The following OR5H14 variants were observed in gnomAD, a reference collection of about 807,000 sequenced individuals.
The protein encoded by OR5H14 is olfactory receptor family 5 subfamily H member 14, also known as olfactory receptor 5H14.
For missense variants in OR5H14, 392 were observed against 363.9 expected (o/e 1.08, Z -0.63); for synonymous variants, 155 against 130.6 (o/e 1.19, Z -1.28).
rs79402407 is a variant in OR5H14 at position 98,155,078 on chromosome 3, T to C, written c.*4760T>C. The C allele has an allele frequency of 0.15, 20,334 of 135,350 alleles. 70 individuals are homozygous for C. The highest frequency in any genetic ancestry group is 0.34 in the East Asian group (1,429 of 4,242). 8.4% of individuals were successfully genotyped at this position (135,350 alleles called of 1,614,324 possible). On this transcript the variant is annotated 3_prime_UTR_variant, in exon 2 of 2. Transcript: ENST00000641380. ...ATTCTGATAAATCAGCTGGCAACAT[T>C]CAGAATGGTAAAAGGACTCCTCTAG...
Position 98,155,355 on chromosome 3 carries a change from T to C in OR5H14, c.*5037T>C, listed in dbSNP as rs1182287238. ...ATTCCTCTGTCTTGGTAATGGGCTC[T>C]ATCTAGGTGTCAGGCAAAAAGATCT... On this transcript the variant is annotated 3_prime_UTR_variant, in exon 2 of 2. Transcript: ENST00000641380. The C allele has an allele frequency of 6.6e-6, 1 of 152,250 alleles. No homozygotes were observed. Among genetic ancestry groups the C allele is most frequent in the African/African-American group, 2.4e-5 (1 of 41,470 alleles). The allele number at this position is 152,250 out of a possible 1,614,324, so 9.4% of individuals were successfully genotyped here. A position where few individuals can be genotyped will look rare whatever the true frequency, so the allele number is the denominator to read the frequency against.
chr3:98,154,288 G>C lies in OR5H14; in HGVS notation c.*3970G>C, dbSNP rs536016489. ...TTGTTCCTTTTCTGGAAGATTGAGG[G>C]GTTGGATCTTTCCTGTCTACCTTAG... On this transcript the variant is annotated 3_prime_UTR_variant, in exon 2 of 2. Coordinates refer to ENST00000641380, the MANE Select transcript of OR5H14 (RefSeq NM_001005514.2). The C allele has an allele frequency of 6.6e-6, 1 of 152,236 alleles. No individual in the cohort carries two copies. The highest frequency in any genetic ancestry group is 2.1e-4 in the South Asian group (1 of 4,822). The allele number at this position is 152,236 out of a possible 1,614,324, so 9.4% of individuals were successfully genotyped here.
intron 1 of OR5H14, among the ~76,000 whole-genome samples, chr3:98,148,485 T>G (rs910406934): frequency 1.3e-5 from 2 of 152,048 alleles, no homozygotes; most frequent in African/African-American, 4.8e-5. Flanking sequence ...GACCACATGA[T>G]GCTCACTCCA....
chr3:98,149,339 T>A (rs767154100), intron 1 of OR5H14, 29 bp from the exon 2 acceptor site: 4 of 1,599,298 alleles, frequency 2.5e-6, no homozygotes, highest in Non-Finnish European at 3.4e-6. Flanking sequence ...TTGCAGATGT[T>A]CCCTTTCATT....
chr3:98,149,829 A>G lies in OR5H14; in HGVS notation c.444A>G (p.Ser148=). Reference sequence around the variant, plus strand: ...TGTGCATCCGGCTATTAATCTTGTCATATGTAGGTGGTCTTCTTCATGCTT... The same window carrying G: ...TGTGCATCCGGCTATTAATCTTGTCGTATGTAGGTGGTCTTCTTCATGCTT... The part of the protein sequence containing the change: ...NGLCIRLLIL[S]YVGGLLHALI... The change falls in exon 2 of 2, where the codon TCA becomes TCG. Residue 148 remains serine (S), a synonymous_variant. Transcript: ENST00000641380. 6.2e-7 allele frequency: 1 copy of G among 1,612,808 alleles called. No individual in the cohort carries two copies. The highest frequency in any genetic ancestry group is 8.5e-7 in the Non-Finnish European group (1 of 1,179,710).
At position 98,151,630 on chromosome 3, in the gene OR5H14, T is replaced by C. The variant is rs1657358194; in HGVS notation, c.*1312T>C. ...TCATTGCTACCTGATTATACGTACA[T>C]GTGTTTTAGGTGTCAATATCTATGT... On this transcript the variant is annotated 3_prime_UTR_variant, in exon 2 of 2. Coordinates refer to ENST00000641380, the MANE Select transcript of OR5H14 (RefSeq NM_001005514.2). The C allele has an allele frequency of 6.6e-6, 1 of 152,154 alleles. No individual in the cohort carries two copies. Among genetic ancestry groups the C allele is most frequent in the African/African-American group, 2.4e-5 (1 of 41,436 alleles). The allele number at this position is 152,154 out of a possible 1,614,324, so 9.4% of individuals were successfully genotyped here.
rs974842753 is a variant in OR5H14, at chr3:98,154,510, G to A, written c.*4192G>A. ...GCCCAGATTTTGACCAAGGTGTAAA[G>A]GTGGTTAAAGAAGGCAGGCCTGGTT... On this transcript the variant is annotated 3_prime_UTR_variant, in exon 2 of 2. Transcript: ENST00000641380. 2 of 152,236 alleles carry A rather than the reference G, an allele frequency of 1.3e-5. No homozygotes were observed. The highest frequency in any genetic ancestry group is 4.8e-5 in the African/African-American group (2 of 41,470). The allele number at this position is 152,236 out of a possible 1,614,324, so 9.4% of individuals were successfully genotyped here.
In OR5H14 at chr3:98,149,217, TC is replaced by T. The variant is rs1371484524; in HGVS notation, c.-18-150del. 1.2e-5 allele frequency: 10 copies of T among 851,564 alleles called. No homozygotes were observed. In the African/African-American group the frequency reaches 1.6e-4, roughly 13 times the overall value. The allele number at this position is 851,564 out of a possible 1,614,324, so 52.8% of individuals were successfully genotyped here. ...ACTAAAATATGACATTTTTTTCATT[TC>T]TTTAACCCCTTATAGGATTTCTTAT... On this transcript the variant is annotated intron_variant, in intron 1 of 1. Transcript: ENST00000641380.
Position 98,153,707 on chromosome 3 carries a change from T to C in OR5H14, c.*3389T>C, listed in dbSNP as rs1338257112. 2 of 152,218 alleles carry C rather than the reference T, an allele frequency of 1.3e-5. No individual in the cohort carries two copies. The highest frequency in any genetic ancestry group is 2.9e-5 in the Non-Finnish European group (2 of 68,034). 9.4% of individuals were successfully genotyped at this position (152,218 alleles called of 1,614,324 possible). A position where few individuals can be genotyped will look rare whatever the true frequency, so the allele number is the denominator to read the frequency against. On this transcript the variant is annotated 3_prime_UTR_variant, in exon 2 of 2. Transcript: ENST00000641380. ...AGCATCTTTTGATGATGGGACAAAATGGCAGTTGCAATCTGTTGATTTTTC... is the reference window on the plus strand; with the variant it reads ...AGCATCTTTTGATGATGGGACAAAACGGCAGTTGCAATCTGTTGATTTTTC...
chr3:98,154,916 C>T lies in OR5H14; in HGVS notation c.*4598C>T, dbSNP rs1397693354. ...CACCTTTGTAAAACTCACAGATTATCACAAGATTAGAAATTATGGCTCCTG... is the reference window on the plus strand; with the variant it reads ...CACCTTTGTAAAACTCACAGATTATTACAAGATTAGAAATTATGGCTCCTG... On this transcript the variant is annotated 3_prime_UTR_variant, in exon 2 of 2. Coordinates refer to ENST00000641380, the MANE Select transcript of OR5H14 (RefSeq NM_001005514.2). 1.3e-5 allele frequency: 2 copies of T among 152,320 alleles called. No homozygotes were observed. The highest frequency in any genetic ancestry group is 4.8e-5 in the African/African-American group (2 of 41,590). The allele number at this position is 152,320 out of a possible 1,614,324, so 9.4% of individuals were successfully genotyped here. A position where few individuals can be genotyped will look rare whatever the true frequency, so the allele number is the denominator to read the frequency against.
At chr3:98,147,961 A>C in intron 1 of OR5H14, 1 of 151,946 alleles carries the variant, frequency 6.6e-6, no homozygotes, top group East Asian at 1.9e-4. Context: ...CCTACAGATA[A>C]ACTCCTGTAT....
rs970361652 is a variant in OR5H14 at position 98,151,591 on chromosome 3, C to G, written c.*1273C>G. 6.6e-6 allele frequency: 1 copy of G among 152,044 alleles called. No individual in the cohort carries two copies. Among genetic ancestry groups the G allele is most frequent in the African/African-American group, 2.4e-5 (1 of 41,414 alleles). The allele number at this position is 152,044 out of a possible 1,614,324, so 9.4% of individuals were successfully genotyped here. A position where few individuals can be genotyped will look rare whatever the true frequency, so the allele number is the denominator to read the frequency against. The stretch of plus-strand genomic sequence containing the variant: ...TTGTTTTTTCAACTCTTTCAATTTT[C>G]TTTTGTTGGATCATCATTGCTACCT... On this transcript the variant is annotated 3_prime_UTR_variant, in exon 2 of 2. Transcript: ENST00000641380.
Position 98,149,545 on chromosome 3 carries a change from C to G in OR5H14, c.160C>G (p.His54Asp). ...GLIAVIWKDP[H>D]LHIPMYLLLG... Reference sequence around the variant, plus strand: ...GATTGCTGTCATCTGGAAAGACCCTCATCTTCATATCCCAATGTACTTACT... The same window carrying G: ...GATTGCTGTCATCTGGAAAGACCCTGATCTTCATATCCCAATGTACTTACT... The change falls in exon 2 of 2, where the codon CAT becomes GAT. Residue 54 changes from histidine (H) to aspartate (D), a missense_variant. Physicochemically the swap from His to Asp is moderately conservative, Grantham distance 81 (BLOSUM62 -1). Transcript: ENST00000641380. 1 of 1,613,538 alleles carries G rather than the reference C, an allele frequency of 6.2e-7. No individual in the cohort carries two copies. Among genetic ancestry groups the G allele is most frequent in the South Asian group, 1.1e-5 (1 of 91,064 alleles).
At chr3:98,148,862 A>G (rs1313326610) in intron 1 of OR5H14, among the ~76,000 whole-genome samples, 1 of 152,136 alleles carries the variant, frequency 6.6e-6, no homozygotes, top group Admixed American at 6.6e-5. Flanking sequence ...GGATTGCTGG[A>G]ACCTTAGTAA....
In OR5H14 at chr3:98,155,120, C is replaced by G. The variant is rs77007033; in HGVS notation, c.*4802C>G. 5 of 96,478 alleles carry G rather than the reference C, an allele frequency of 5.2e-5. No individual in the cohort carries two copies. The highest frequency in any genetic ancestry group is 1.0e-4 in the Admixed American group (1 of 9,614). 6.0% of individuals were successfully genotyped at this position (96,478 alleles called of 1,614,324 possible). On this transcript the variant is annotated 3_prime_UTR_variant, in exon 2 of 2. Coordinates refer to ENST00000641380, the MANE Select transcript of OR5H14 (RefSeq NM_001005514.2). ...CTCCTCTAGTTTTGTGACCACCCCC[C>G]TGCTGCAGGATCCACAAGAAGACAG... is the stretch of plus-strand genomic sequence containing the variant.
Position 98,153,853 on chromosome 3 carries a change from T to C in OR5H14, c.*3535T>C, listed in dbSNP as rs2107320347. ...AAGTTTATATCAAGTTGTCCAGACCTAGCTTGCAGGGCTTCAGGAAAAGGG... is the reference window on the plus strand; with the variant it reads ...AAGTTTATATCAAGTTGTCCAGACCCAGCTTGCAGGGCTTCAGGAAAAGGG... On this transcript the variant is annotated 3_prime_UTR_variant, in exon 2 of 2. Transcript: ENST00000641380. 6.6e-6 allele frequency: 1 copy of C among 152,306 alleles called. No homozygotes were observed. The highest frequency in any genetic ancestry group is 1.9e-4 in the East Asian group (1 of 5,178). 9.4% of individuals were successfully genotyped at this position (152,306 alleles called of 1,614,324 possible). A position where few individuals can be genotyped will look rare whatever the true frequency, so the allele number is the denominator to read the frequency against.
chr3:98,148,868 A>C (rs968516950), intron 1 of OR5H14, among the ~76,000 whole-genome samples: 1 of 152,058 alleles, frequency 6.6e-6, no homozygotes, highest in Non-Finnish European at 1.5e-5. Context: ...CTGGAACCTT[A>C]GTAACAAGTT....
rs1289951031 is a variant in OR5H14, at chr3:98,153,473, C to T, written c.*3155C>T. On this transcript the variant is annotated 3_prime_UTR_variant, in exon 2 of 2. Transcript: ENST00000641380. ...TGGCAGGTGCCTGTGATCCCAGCTA[C>T]TTATGAGGCTGTGGCAGGAGAATCA... The T allele has an allele frequency of 6.6e-6, 1 of 152,094 alleles. No homozygotes were observed. Among genetic ancestry groups the T allele is most frequent in the African/African-American group, 2.4e-5 (1 of 41,396 alleles). The allele number at this position is 152,094 out of a possible 1,614,324, so 9.4% of individuals were successfully genotyped here.
Position 98,154,489 on chromosome 3 carries a change from A to T in OR5H14, c.*4171A>T, listed in dbSNP as rs76607313. The T allele has an allele frequency of 2.0e-5, 3 of 152,104 alleles. No homozygotes were observed. Among genetic ancestry groups the T allele is most frequent in the African/African-American group, 7.2e-5 (3 of 41,418 alleles). 9.4% of individuals were successfully genotyped at this position (152,104 alleles called of 1,614,324 possible). On this transcript the variant is annotated 3_prime_UTR_variant, in exon 2 of 2. Coordinates refer to ENST00000641380, the MANE Select transcript of OR5H14 (RefSeq NM_001005514.2). ...TATTTTTCCCTATTGCTCTCAGCCCAGATTTTGACCAAGGTGTAAAGGTGG... is the reference window on the plus strand; with the variant it reads ...TATTTTTCCCTATTGCTCTCAGCCCTGATTTTGACCAAGGTGTAAAGGTGG...
Sources: gnomAD v4.1 joint callset for allele counts (sites outside exome capture counted in the v4.1 genomes callset) on GRCh38, gnomAD v4.1.1 for gene constraint, MANE v1.5 for transcripts, NCBI Gene and HGNC (gene_info 2026-07-23, HGNC 2026-07-21) for gene names.